The following RORA variants were observed in gnomAD, a reference collection of about 807,000 sequenced individuals.
RORA encodes RAR related orphan receptor A.
RORA carries 7 observed loss-of-function variants against 69.5 expected under a neutral mutation model. That is an observed-to-expected ratio of 0.10 (90% CI 0.06 to 0.19). The LOEUF is 0.19. Among genes scored for constraint, RORA ranks in the 10% least tolerant of loss-of-function variants. RORA has a pLI of 1.00. For synonymous variants in RORA, 261 were observed against 240.8 expected, an observed-to-expected ratio of 1.08 and a Z score of -0.78; for missense variants, 457 against 663.0, an observed-to-expected ratio of 0.69 and a Z score of 3.41.
intron 1 of RORA, among the ~76,000 whole-genome samples, chr15:60,784,704 G>C (rs186065687): frequency 6.6e-6 from 1 of 152,134 alleles, no homozygotes; most frequent in African/African-American, 2.4e-5. Flanking sequence ...TAGCATCCTG[G>C]TTCTGCTATT....
intron 1 of RORA, among the ~76,000 whole-genome samples, chr15:60,749,319 T>G (rs1180079440): frequency 6.6e-6 from 1 of 152,228 alleles, no homozygotes; most frequent in Non-Finnish European, 1.5e-5. Context: ...ATGTAAAACT[T>G]AACGTAGCCT....
intron 1 of RORA, among the ~76,000 whole-genome samples, chr15:60,867,842 T>C (rs776276659): frequency 2.0e-5 from 3 of 152,240 alleles, no homozygotes; most frequent in Non-Finnish European, 2.9e-5. Context: ...TCTCCCATTT[T>C]ATTTTGGTTG....
chr15:61,133,795 T>C (rs1245869184), intron 1 of RORA, among the ~76,000 whole-genome samples: 1 of 152,182 alleles, frequency 6.6e-6, no homozygotes, highest in Non-Finnish European at 1.5e-5. Flanking sequence ...CTGGGAACAT[T>C]TGCTATGATG....
At chr15:60,844,635 A>C (rs888457449) in intron 1 of RORA, among the ~76,000 whole-genome samples, 12 of 152,252 alleles carry the variant, frequency 7.9e-5, no homozygotes, top group African/African-American at 2.9e-4. Flanking sequence ...CTGCAAAGGA[A>C]GGTAAGCCAC....
At position 60,904,853 on chromosome 15, in the gene RORA, G is replaced by A. The variant is rs543497301; in HGVS notation, c.167-226167C>T. 5.9e-5 allele frequency among the ~76,000 whole-genome samples: 9 copies of A among 152,294 alleles called. No homozygotes were observed. The South Asian group carries it at 1.7e-3, about 28-fold the overall frequency. ...GAAACAATAAAGAAAAATAGGGGTG[G>A]TGTGGTTTGGGGTGGTCAAGGCCAA... On this transcript the variant is annotated intron_variant, in intron 1 of 10. Transcript: ENST00000335670.
intron 1 of RORA, among the ~76,000 whole-genome samples, chr15:61,223,294 A>G (rs2080115972): frequency 7.1e-6 from 1 of 141,318 alleles, no homozygotes; most frequent in Non-Finnish European, 1.5e-5. Flanking sequence ...AGCCTGGGAG[A>G]CACAGCGAAG....
At chr15:61,028,680 A>G (rs552957209) in intron 1 of RORA, among the ~76,000 whole-genome samples, 3 of 152,356 alleles carry the variant, frequency 2.0e-5, no homozygotes, top group South Asian at 4.1e-4. Flanking sequence ...GCAGGTCAGG[A>G]AAGTTCACTG....
intron 1 of RORA, among the ~76,000 whole-genome samples, chr15:61,009,036 C>T (rs1348136946): frequency 1.3e-5 from 2 of 152,172 alleles, no homozygotes; most frequent in Non-Finnish European, 2.9e-5. Flanking sequence ...GACTTTAAAA[C>T]AGACACCTTG....
intron 1 of RORA, among the ~76,000 whole-genome samples, chr15:61,076,404 T>C (rs2078449962): frequency 8.7e-6 from 1 of 115,592 alleles, no homozygotes; most frequent in African/African-American, 3.5e-5. Context: ...CTTGATCATC[T>C]CAAAAAAAAA....
Position 61,113,329 on chromosome 15 carries a change from C to T in RORA, c.166+115724G>A, listed in dbSNP as rs537405478. 4.6e-5 allele frequency among the ~76,000 whole-genome samples: 7 copies of T among 152,294 alleles called. No individual in the cohort carries two copies. The East Asian group carries it at 1.2e-3, about 25-fold the overall frequency. On this transcript the variant is annotated intron_variant, in intron 1 of 10. Coordinates refer to ENST00000335670, the MANE Select transcript of RORA (RefSeq NM_134261.3). ...AGAGATGCAGGAAGTAAGACCAGAA[C>T]AGTAGGTGGGGGCCAAGACATAGAT...
At chr15:61,070,279 C>A (rs1339082517) in intron 1 of RORA, among the ~76,000 whole-genome samples, 1 of 152,142 alleles carries the variant, frequency 6.6e-6, no homozygotes, top group Non-Finnish European at 1.5e-5. Context: ...ACCCGTATGC[C>A]CCCATGGGAT....
intron 2 of RORA, among the ~76,000 whole-genome samples, chr15:60,623,209 G>C (rs1022040155): frequency 2.6e-5 from 4 of 152,180 alleles, no homozygotes; most frequent in African/African-American, 9.7e-5. Context: ...CAAAGTCCCT[G>C]AAAGAGGAGG....
At chr15:60,802,305 G>C (rs1388347567) in intron 1 of RORA, among the ~76,000 whole-genome samples, 1 of 152,190 alleles carries the variant, frequency 6.6e-6, no homozygotes, top group Non-Finnish European at 1.5e-5. Flanking sequence ...CCGAGTGTTT[G>C]GGCTCCATTA....
intron 1 of RORA, among the ~76,000 whole-genome samples, chr15:61,105,003 C>CG (rs1180699443): frequency 7.0e-6 from 1 of 142,966 alleles, no homozygotes; most frequent in Non-Finnish European, 1.5e-5. Context: ...GCGCCCCCCC[C>CG]ACCGCCCAGC....
chr15:60,571,277 G>C (rs2140453456), intron 2 of RORA, among the ~76,000 whole-genome samples: 1 of 152,136 alleles, frequency 6.6e-6, no homozygotes, highest in African/African-American at 2.4e-5. Flanking sequence ...CCCTGACACA[G>C]TTTGAATTCA....
rs1430387090 is a variant in RORA, at chr15:60,583,011, G to A, written c.197-51160C>T. On this transcript the variant is annotated intron_variant, in intron 2 of 10. Coordinates refer to ENST00000335670, the MANE Select transcript of RORA (RefSeq NM_134261.3). ...TCCCACCAGAATGTACACTCACAGAGACCAGAGACTGACATGATCACTGCT... is the reference window on the plus strand; with the variant it reads ...TCCCACCAGAATGTACACTCACAGAAACCAGAGACTGACATGATCACTGCT... 2.0e-5 allele frequency among the ~76,000 whole-genome samples: 3 copies of A among 152,190 alleles called. No individual in the cohort carries two copies. In the East Asian group the frequency reaches 5.8e-4, roughly 29 times the overall value.
chr15:60,627,381 T>G, intron 2 of RORA: 3 of 1,614,130 alleles, frequency 1.9e-6, no homozygotes, highest in African/African-American at 2.7e-5. Flanking sequence ...TCATGCCTTT[T>G]CCTGGTTACC....
chr15:60,796,175 T>C (rs140146403), intron 1 of RORA, among the ~76,000 whole-genome samples: 9 of 152,292 alleles, frequency 5.9e-5, no homozygotes, highest in Non-Finnish European at 8.8e-5. Flanking sequence ...CTCTCTGCTC[T>C]CAGTGCCTCT....
Position 61,213,716 on chromosome 15 carries a change from T to A in RORA, c.166+15337A>T, listed in dbSNP as rs1020054195. On this transcript the variant is annotated intron_variant, in intron 1 of 10. Transcript: ENST00000335670. The surrounding 1 kb of genome is among the most constrained non-coding windows in gnomAD (Gnocchi z 4.1). ...CTCTATGTTATAGGTTTCCTAAGTA[T>A]CTCTACTATAGCATGCTACATCTTT... 3.9e-5 allele frequency: 6 copies of A among 152,212 alleles called. No homozygotes were observed. The highest frequency in any genetic ancestry group is 5.9e-5 in the Non-Finnish European group (4 of 68,054). 9.4% of individuals were successfully genotyped at this position (152,212 alleles called of 1,614,324 possible). A position where few individuals can be genotyped will look rare whatever the true frequency, so the allele number is the denominator to read the frequency against.
Sources: gnomAD v4.1 joint callset for allele counts (sites outside exome capture counted in the v4.1 genomes callset) on GRCh38, gnomAD v4.1.1 for gene constraint, Gnocchi (gnomAD v3.1) non-coding constraint, MANE v1.5 for transcripts, NCBI Gene and HGNC (gene_info 2026-07-23, HGNC 2026-07-21) for gene names.